GABRA4: variants seen among roughly 807,000 people sequenced by gnomAD.
GABRA4 encodes gamma-aminobutyric acid type A receptor subunit alpha4.
GABRA4 carries 12 observed loss-of-function variants against 49.7 expected under a neutral mutation model. The observed-to-expected ratio is 0.24, with a 90% CI of 0.15 to 0.39. GABRA4 has a LOEUF of 0.39. Ranked by LOEUF, GABRA4 falls within the 10% of genes least tolerant of loss-of-function variation. GABRA4 has a pLI of 1.00. For synonymous variants in GABRA4, 288 were observed against 240.2 expected, an observed-to-expected ratio of 1.20 and a Z score of -1.84; for missense variants, 506 against 686.0, an observed-to-expected ratio of 0.74 and a Z score of 2.93.
chr4:46,931,054 G>C (rs1423214556), intron 8 of GABRA4, among the ~76,000 whole-genome samples: 1 of 151,990 alleles, frequency 6.6e-6, no homozygotes, highest in African/African-American at 2.4e-5. Context: ...CCAGAGATAA[G>C]AATGCTAAAC....
At chr4:46,937,103 C>T (rs572125120) in intron 8 of GABRA4, among the ~76,000 whole-genome samples, 12 of 152,276 alleles carry the variant, frequency 7.9e-5, no homozygotes, top group Admixed American at 5.9e-4. Context: ...AAAGGTGGAG[C>T]CCTGTCCCAT....
At chr4:46,944,526 T>A (rs1366945124) in intron 8 of GABRA4, among the ~76,000 whole-genome samples, 3 of 152,112 alleles carry the variant, frequency 2.0e-5, no homozygotes, top group Non-Finnish European at 4.4e-5. Context: ...CAACAGAGTC[T>A]GCTCTGAGAG....
intron 8 of GABRA4, among the ~76,000 whole-genome samples, chr4:46,954,724 A>T (rs1307138949): frequency 6.6e-6 from 1 of 152,132 alleles, no homozygotes; most frequent in Admixed American, 6.6e-5. Context: ...AGGTTGTGTG[A>T]TTAAAGCTAC....
chr4:46,961,801 G>A (rs1283217781), intron 8 of GABRA4, among the ~76,000 whole-genome samples: 1 of 151,766 alleles, frequency 6.6e-6, no homozygotes, highest in Admixed American at 6.6e-5. Context: ...GATAGTGAGA[G>A]AGAAAGAGAG....
intron 6 of GABRA4, among the ~76,000 whole-genome samples, chr4:46,973,022 T>G (rs910000921): frequency 2.0e-5 from 3 of 151,814 alleles, no homozygotes; most frequent in African/African-American, 7.2e-5. Flanking sequence ...AATTTGGGTT[T>G]TGCCAGTTAT....
intron 2 of GABRA4, among the ~76,000 whole-genome samples, chr4:46,979,893 C>G (rs377050567): frequency 6.6e-6 from 1 of 152,206 alleles, no homozygotes; most frequent in East Asian, 1.9e-4. Flanking sequence ...AAGAAGCACA[C>G]TGGTGTTTTG....
intron 7 of GABRA4, among the ~76,000 whole-genome samples, chr4:46,965,556 G>A (rs2280073): frequency 1.3e-5 from 2 of 151,466 alleles, no homozygotes; most frequent in Non-Finnish European, 3.0e-5. Context: ...TGTAACGCAC[G>A]TAGCACACAG....
At chr4:46,976,361 A>AAG (rs1368054059) in intron 5 of GABRA4, among the ~76,000 whole-genome samples, 3 of 149,528 alleles carry the variant, frequency 2.0e-5, no homozygotes, top group Non-Finnish European at 4.5e-5. Context: ...TCTCAAAAAA[A>AAG]AAAAAAAAAA....
chr4:46,929,084 T>C (rs1478708596), intron 8 of GABRA4, among the ~76,000 whole-genome samples: 2 of 152,004 alleles, frequency 1.3e-5, no homozygotes, highest in East Asian at 3.9e-4. Context: ...TAATGAATAC[T>C]GCTGTAAAAG....
chr4:46,950,204 C>A (rs1722122547), intron 8 of GABRA4, among the ~76,000 whole-genome samples: 1 of 152,040 alleles, frequency 6.6e-6, no homozygotes, highest in Non-Finnish European at 1.5e-5. Flanking sequence ...CAAGCATAAA[C>A]TGCTTCAAGT....
intron 2 of GABRA4, among the ~76,000 whole-genome samples, chr4:46,990,935 T>C (rs796698936): frequency 4.7e-4 from 71 of 152,306 alleles, no homozygotes; most frequent in African/African-American, 1.7e-3. Flanking sequence ...TCCCAGCACT[T>C]TGGGAGGCCA....
At chr4:46,989,694 A>T (rs1257986941) in intron 2 of GABRA4, among the ~76,000 whole-genome samples, 1 of 152,238 alleles carries the variant, frequency 6.6e-6, no homozygotes, top group Non-Finnish European at 1.5e-5. Flanking sequence ...TTTCAATTCA[A>T]ATCTTTGCTT....
chr4:46,993,282 G>T, intron 1 of GABRA4, 57 bp downstream of exon 1: 3 of 1,464,252 alleles, frequency 2.0e-6, no homozygotes, highest in Non-Finnish European at 2.9e-6. Context: ...AGGGGTCCCG[G>T]AGCTAGCCAT....
chr4:46,924,067 A>G lies in GABRA4; in HGVS notation c.*4158T>C, dbSNP rs1030646008. On this transcript the variant is annotated 3_prime_UTR_variant, in exon 9 of 9. Transcript: ENST00000264318. ...ATTCTATAAAATTTAGCTTAAGATT[A>G]TATCTGTGAAACCTTCTCTGCTATC... 7 of 152,086 alleles carry G rather than the reference A, an allele frequency of 4.6e-5. No individual in the cohort carries two copies. Among genetic ancestry groups the G allele is most frequent in the African/African-American group, 7.2e-5 (3 of 41,426 alleles). The allele number at this position is 152,086 out of a possible 1,614,324, so 9.4% of individuals were successfully genotyped here. A position where few individuals can be genotyped will look rare whatever the true frequency, so the allele number is the denominator to read the frequency against.
chr4:46,969,665 A>T (rs1722882475), intron 7 of GABRA4, among the ~76,000 whole-genome samples: 1 of 151,534 alleles, frequency 6.6e-6, no homozygotes, highest in Non-Finnish European at 1.5e-5. Context: ...CCCTATATTG[A>T]GAACGATACA....
chr4:46,934,077 C>A (rs1354012306), intron 8 of GABRA4, among the ~76,000 whole-genome samples: 1 of 152,090 alleles, frequency 6.6e-6, no homozygotes, highest in African/African-American at 2.4e-5. Flanking sequence ...ATTAGGTCTG[C>A]AGAATGCACA....
intron 8 of GABRA4, among the ~76,000 whole-genome samples, chr4:46,950,014 A>G (rs1387896885): frequency 6.6e-6 from 1 of 152,130 alleles, no homozygotes; most frequent in Admixed American, 6.6e-5. Flanking sequence ...TGTTCTATGT[A>G]TAACAGGTAA....
At chr4:46,992,543 C>G (rs555492576) in intron 2 of GABRA4, 2 of 441,122 alleles carry the variant, frequency 4.5e-6, no homozygotes, top group Admixed American at 3.5e-5. Flanking sequence ...GCCCAGAGTT[C>G]CCATTTTTGA....
rs1230884320 is a variant in GABRA4 at position 46,992,915 on chromosome 4, C to T, written c.118G>A (p.Glu40Lys). The T allele has an allele frequency of 6.2e-7, 1 of 1,612,514 alleles. No individual in the cohort carries two copies. Among genetic ancestry groups the T allele is most frequent in the African/African-American group, 1.3e-5 (1 of 74,554 alleles). Residue 40 changes from glutamate (E) to lysine (K), a missense_variant, in exon 2 of 9, where the codon GAG (glutamate) becomes AAG (lysine). Around this residue, in one of 5 missense-constraint regions of GABRA4, gnomAD observed 195 missense variants for 326.0 expected, o/e 0.60. Coordinates refer to ENST00000264318, the MANE Select transcript of GABRA4 (RefSeq NM_000809.4). Reference sequence around the variant, plus strand: ...AAATTTTCTGTGCACAATTTCTCCTCCTTTTGGTTCTGTCCTGGGGATTCG... The same window carrying T: ...AAATTTTCTGTGCACAATTTCTCCTTCTTTTGGTTCTGTCCTGGGGATTCG... ...LNESPGQNQK[E>K]EKLCTENFTR... is the part of the protein sequence containing the mutation.
Sources: allele counts gnomAD v4.1 joint callset (sites outside exome capture counted in the v4.1 genomes callset), GRCh38; gene constraint gnomAD v4.1.1; regional missense constraint gnomAD v4.1.1; transcripts MANE v1.5; gene names NCBI Gene and HGNC (gene_info 2026-07-23, HGNC 2026-07-21).